HEG1: variants seen among roughly 807,000 people sequenced by gnomAD.
HEG1 encodes the protein heart development protein with EGF like domains 1, also known as protein HEG homolog 1.
Under a neutral mutation model 125.6 loss-of-function variants are expected in HEG1, and 56 were observed. The observed-to-expected ratio is 0.45, with a 90% CI of 0.36 to 0.56. The LOEUF (loss-of-function observed/expected upper bound fraction) is 0.56. HEG1 is among the 20% of genes least tolerant of loss of function. The pLI, the probability that HEG1 is intolerant of heterozygous loss-of-function variation, is 0.00. For synonymous variants in HEG1, 644 were observed against 668.5 expected (o/e 0.96, Z 0.57); for missense variants, 1,523 against 1,670.0 (o/e 0.91, Z 1.53).
chr3:125,040,579 C>G (rs1031186432), intron 1 of HEG1, among the ~76,000 whole-genome samples: 1 of 152,096 alleles, frequency 6.6e-6, no homozygotes, highest in Non-Finnish European at 1.5e-5. Flanking sequence ...TGGTGGACCA[C>G]AATCAAATGA....
Position 125,029,363 on chromosome 3 carries a change from C to A in HEG1, c.442G>T (p.Gly148Trp). The change falls in exon 2 of 17, where the codon GGG becomes TGG. Residue 148 changes from glycine (G) to tryptophan (W), a missense_variant. Gly to Trp is a radical substitution (Grantham distance 184). Transcript: ENST00000311127. Reference sequence around the variant, plus strand: ...GCATCCGAAGCAGCATGGCTCTTCCCAGAGGTCTGAACCATCACGCCCTCT... The same window carrying A: ...GCATCCGAAGCAGCATGGCTCTTCCAAGAGGTCTGAACCATCACGCCCTCT... ...SKEGVMVQTS[G>W]KSHAASDAPE... The A allele has an allele frequency of 1.2e-6, 2 of 1,613,766 alleles. No homozygotes were observed. The highest frequency in any genetic ancestry group is 1.7e-6 in the Non-Finnish European group (2 of 1,179,894).
chr3:125,055,964 G>T lies in HEG1; in HGVS notation c.-74C>A, dbSNP rs1162539672. On this transcript the variant is annotated 5_prime_UTR_variant, in exon 1 of 17. Coordinates refer to ENST00000311127, the MANE Select transcript of HEG1 (RefSeq NM_020733.2). ...CAGCGGGCAGCGGGCAGCGGGCGGC[G>T]GGGGCCGCGCGGGGCCGGGGAAGTG... 10 of 862,772 alleles carry T rather than the reference G, an allele frequency of 1.2e-5. No homozygotes were observed. Among genetic ancestry groups the T allele is most frequent in the Non-Finnish European group, 1.4e-5 (10 of 719,486 alleles). 53.4% of individuals were successfully genotyped at this position (862,772 alleles called of 1,614,324 possible). A position where few individuals can be genotyped will look rare whatever the true frequency, so the allele number is the denominator to read the frequency against.
chr3:125,011,630 G>A (rs1937158280), intron 6 of HEG1, among the ~76,000 whole-genome samples: 1 of 152,212 alleles, frequency 6.6e-6, no homozygotes, highest in South Asian at 2.1e-4. Context: ...GGGGCACTGT[G>A]GGGCTTGGCA....
rs1313297266 is a variant in HEG1 at position 124,968,008 on chromosome 3, A to C, written c.*2644T>G. On this transcript the variant is annotated 3_prime_UTR_variant, in exon 17 of 17. Transcript: ENST00000311127. ...GCCCGGCTCCTCTCTATGGAGGTTT[A>C]AGCATCTCTTGAGCAGTTACACATC... 6.6e-6 allele frequency: 1 copy of C among 152,354 alleles called. No individual in the cohort carries two copies. The highest frequency in any genetic ancestry group is 1.5e-5 in the Non-Finnish European group (1 of 68,150). 9.4% of individuals were successfully genotyped at this position (152,354 alleles called of 1,614,324 possible). A position where few individuals can be genotyped will look rare whatever the true frequency, so the allele number is the denominator to read the frequency against.
intron 8 of HEG1, among the ~76,000 whole-genome samples, chr3:125,007,490 T>C (rs1402306559): frequency 6.6e-6 from 1 of 152,236 alleles, no homozygotes; most frequent in Non-Finnish European, 1.5e-5. Flanking sequence ...GAAAGAGCCA[T>C]AATTATTACT....
intron 1 of HEG1, among the ~76,000 whole-genome samples, chr3:125,033,768 G>A (rs1338964092): frequency 6.6e-6 from 1 of 152,264 alleles, no homozygotes; most frequent in Non-Finnish European, 1.5e-5. Flanking sequence ...ACAGGAGGAG[G>A]TGAGCAGTGG....
At chr3:125,050,255 T>C (rs1005305935) in intron 1 of HEG1, among the ~76,000 whole-genome samples, 5 of 151,800 alleles carry the variant, frequency 3.3e-5, no homozygotes, top group Non-Finnish European at 7.4e-5. Context: ...GCGATTCTCA[T>C]GCCTCAGCCT....
intron 12 of HEG1, among the ~76,000 whole-genome samples, chr3:124,994,515 T>TC: frequency 6.6e-6 from 1 of 152,182 alleles, no homozygotes; most frequent in East Asian, 1.9e-4. Flanking sequence ...ATCTTTTTTT[T>TC]TTTTTTTGGA....
At position 125,001,901 on chromosome 3, in the gene HEG1, G is replaced by A. The variant is rs1407477389; in HGVS notation, c.3468C>T (p.Ser1156=). The A allele has an allele frequency of 6.2e-7, 1 of 1,613,686 alleles. No individual in the cohort carries two copies. Among genetic ancestry groups the A allele is most frequent in the African/African-American group, 1.3e-5 (1 of 74,928 alleles). Residue 1156 remains serine (S), a synonymous_variant, in exon 11 of 17, where the codon TCC becomes TCT. Coordinates refer to ENST00000311127, the MANE Select transcript of HEG1 (RefSeq NM_020733.2). The part of the protein sequence containing the change: ...RMQKCVNSCK[S]SAEVCQLLGS... ...CCAAGAGCTGGCAGACCTCAGCAGA[G>A]GACTTGCAGGAGTTGACACATTTCT...
rs982609197 is a variant in HEG1 at position 124,965,924 on chromosome 3, A to G, written c.*4728T>C. On this transcript the variant is annotated 3_prime_UTR_variant, in exon 17 of 17. Coordinates refer to ENST00000311127, the MANE Select transcript of HEG1 (RefSeq NM_020733.2). Reference sequence around the variant, plus strand: ...CAGGGGCTAAGGTTTAAAGGTTTACAAAGAGAAATCCAGGACAACATGAAA... The same window carrying G: ...CAGGGGCTAAGGTTTAAAGGTTTACGAAGAGAAATCCAGGACAACATGAAA... 2 of 152,226 alleles carry G rather than the reference A, an allele frequency of 1.3e-5. No individual in the cohort carries two copies. The highest frequency in any genetic ancestry group is 4.8e-5 in the African/African-American group (2 of 41,462). 9.4% of individuals were successfully genotyped at this position (152,226 alleles called of 1,614,324 possible).
intron 3 of HEG1, among the ~76,000 whole-genome samples, chr3:125,026,118 GA>G (rs926374587): frequency 6.6e-6 from 1 of 152,130 alleles, no homozygotes; most frequent in African/African-American, 2.4e-5. Flanking sequence ...CCTATGGTAC[GA>G]GGATGAAAAC....
chr3:125,029,128 G>A (rs1466868307), intron 2 of HEG1, 67 bp downstream of exon 2: 6 of 1,504,342 alleles, frequency 4.0e-6, no homozygotes, highest in Non-Finnish European at 5.4e-6. Flanking sequence ...TGTGGGGAAT[G>A]GCAGAAACTT....
rs1332776279 is a variant in HEG1 at position 124,968,175 on chromosome 3, G to A, written c.*2477C>T. 6.6e-6 allele frequency: 1 copy of A among 152,544 alleles called. No homozygotes were observed. Among genetic ancestry groups the A allele is most frequent in the African/African-American group, 2.4e-5 (1 of 41,450 alleles). The allele number at this position is 152,544 out of a possible 1,614,324, so 9.4% of individuals were successfully genotyped here. A position where few individuals can be genotyped will look rare whatever the true frequency, so the allele number is the denominator to read the frequency against. Reference sequence around the variant, plus strand: ...GGCGGAGAGCCTCGGCGTGCCAGGTGTGCATCCAGGCCTCTTCTGCTATCA... The same window carrying A: ...GGCGGAGAGCCTCGGCGTGCCAGGTATGCATCCAGGCCTCTTCTGCTATCA... On this transcript the variant is annotated 3_prime_UTR_variant, in exon 17 of 17. Transcript: ENST00000311127.
chr3:125,015,929 T>C (rs1268187094), intron 5 of HEG1, among the ~76,000 whole-genome samples: 1 of 152,204 alleles, frequency 6.6e-6, no homozygotes, highest in Non-Finnish European at 1.5e-5. Context: ...AAATTCATTT[T>C]GGGATAGGTT....
chr3:124,992,357 C>CAG (rs1345421672), intron 12 of HEG1, among the ~76,000 whole-genome samples: 6 of 152,124 alleles, frequency 3.9e-5, no homozygotes, highest in Non-Finnish European at 1.5e-5. Flanking sequence ...AATAAGATGA[C>CAG]AGAACACCAT....
At chr3:124,994,726 G>T (rs1370091260) in intron 12 of HEG1, among the ~76,000 whole-genome samples, 1 of 152,114 alleles carries the variant, frequency 6.6e-6, no homozygotes, top group Non-Finnish European at 1.5e-5. Context: ...GGCTGGCCTC[G>T]AACTCCTGAC....
intron 9 of HEG1, among the ~76,000 whole-genome samples, chr3:125,004,977 C>T (rs1441356051): frequency 6.6e-6 from 1 of 152,186 alleles, no homozygotes; most frequent in East Asian, 1.9e-4. Flanking sequence ...CCTGCTGATG[C>T]CTGTCATCAG....
At chr3:125,049,172 C>G (rs1230055529) in intron 1 of HEG1, among the ~76,000 whole-genome samples, 1 of 152,226 alleles carries the variant, frequency 6.6e-6, no homozygotes, top group African/African-American at 2.4e-5. Flanking sequence ...CCCCAGACCT[C>G]ATTCTCCCCA....
intron 6 of HEG1, among the ~76,000 whole-genome samples, chr3:125,012,406 G>A (rs1937169433): frequency 1.3e-5 from 2 of 152,198 alleles, no homozygotes; most frequent in African/African-American, 4.8e-5. Context: ...TCTTTATTCA[G>A]GAAGCATTAT....
Sources: gnomAD v4.1 joint callset for allele counts (sites outside exome capture counted in the v4.1 genomes callset) on GRCh38, gnomAD v4.1.1 for gene constraint, MANE v1.5 for transcripts, NCBI Gene and HGNC (gene_info 2026-07-23, HGNC 2026-07-21) for gene names.